Variants in TPO observed in about 807,000 individuals in gnomAD.
The protein encoded by TPO is thyroid peroxidase.
In TPO, 78 loss-of-function variants were observed where a neutral mutation model predicts 96.9. That is an observed-to-expected ratio of 0.81 (90% CI 0.67 to 0.97). The LOEUF (loss-of-function observed/expected upper bound fraction) is 0.97. Ranked by LOEUF, TPO falls within the 50% of genes least tolerant of loss-of-function variation. The pLI, the probability that TPO is intolerant of heterozygous loss-of-function variation, is 0.00. For missense variants in TPO, 1,252 were observed against 1,274.8 expected, an observed-to-expected ratio of 0.98 and a Z score of 0.27; for synonymous variants, 547 against 538.0, an observed-to-expected ratio of 1.02 and a Z score of -0.23.
chr2:1,420,448 C>T (rs1316462541), intron 2 of TPO, among the ~76,000 whole-genome samples: 2 of 152,124 alleles, frequency 1.3e-5, no homozygotes, highest in East Asian at 1.9e-4. Flanking sequence ...GTGTGAGTGA[C>T]AGAGCTAATT....
At position 1,487,877 on chromosome 2, in the gene TPO, C is replaced by T; in HGVS notation, c.1654C>T (p.Gln552Ter). The T allele has an allele frequency of 6.2e-7, 1 of 1,614,230 alleles. No individual in the cohort carries two copies. Among genetic ancestry groups the T allele is most frequent in the Non-Finnish European group, 8.5e-7 (1 of 1,180,042 alleles). Residue 552 changes from glutamine to a stop codon, truncating the protein, a stop_gained, in exon 10 of 17, where the codon CAG becomes TAG. Coordinates refer to ENST00000329066, the MANE Select transcript of TPO (RefSeq NM_001206744.2). LOFTEE classifies it high-confidence loss of function. Reference protein sequence around the residue: ...LLARPAKLQVQDQLMNEELTE... With the variant: ...LLARPAKLQV ...TGCAAGACCAGCCAAACTGCAGGTG[C>T]AGGATCAGCTGATGAACGAGGAGCT... is the stretch of plus-strand genomic sequence containing the variant.
intron 13 of TPO, among the ~76,000 whole-genome samples, chr2:1,499,391 G>T (rs1252740519): frequency 6.6e-6 from 1 of 152,044 alleles, no homozygotes; most frequent in Non-Finnish European, 1.5e-5. Context: ...TTGATTTTTA[G>T]TCCAACAATT....
intron 10 of TPO, among the ~76,000 whole-genome samples, chr2:1,488,691 G>A (rs977002294): frequency 5.3e-5 from 8 of 152,140 alleles, no homozygotes; most frequent in South Asian, 4.1e-4. Flanking sequence ...TTCTCTCCAC[G>A]TACCCTGGGA....
At chr2:1,382,460 A>G (rs1293493677) in intron 1 of TPO, among the ~76,000 whole-genome samples, 2 of 152,192 alleles carry the variant, frequency 1.3e-5, no homozygotes, top group Non-Finnish European at 2.9e-5. Context: ...ACTTGCCTCC[A>G]TGAAAACATG....
In TPO at chr2:1,521,522, A is replaced by C. The variant is rs541701792; in HGVS notation, c.2618+4540A>C. Among the ~76,000 whole-genome samples the C allele has an allele frequency of 2.6e-5, 4 of 151,650 alleles. No individual in the cohort carries two copies. In the East Asian group the frequency reaches 7.8e-4, roughly 30 times the overall value. The stretch of plus-strand genomic sequence containing the variant: ...CTCCCCCAGGGCCCTCTTTCCCCAG[A>C]CTCTTGGGGTAGAGACGGCCTGAGT... On this transcript the variant is annotated intron_variant, in intron 15 of 16. Transcript: ENST00000329066.
Position 1,456,263 on chromosome 2 carries a change from A to C in TPO, c.800A>C (p.Asn267Thr). 1 of 1,614,028 alleles carries C rather than the reference A, an allele frequency of 6.2e-7. No individual in the cohort carries two copies. The highest frequency in any genetic ancestry group is 8.5e-7 in the Non-Finnish European group (1 of 1,180,004). The stretch of plus-strand genomic sequence containing the variant: ...TGCCAGATGACTTGTGAGAACCAAA[A>C]CCCATGTTTTCCCATACAAGTAAGT... ...ADCQMTCENQ[N>T]PCFPIQLPEE... The change falls in exon 7 of 17, where the codon AAC (asparagine) becomes ACC (threonine). Residue 267 changes from asparagine to threonine, a missense_variant. Asn to Thr is a moderately conservative substitution (Grantham distance 65). Transcript: ENST00000329066.
At chr2:1,496,268 G>A in intron 12 of TPO, 71 bp downstream of exon 12, 2 of 1,545,924 alleles carry the variant, frequency 1.3e-6, no homozygotes, top group Non-Finnish European at 1.8e-6. Context: ...ATCTTCCCCA[G>A]GAGCTGATTT....
intron 3 of TPO, among the ~76,000 whole-genome samples, chr2:1,430,503 C>A (rs1281595914): frequency 2.0e-5 from 3 of 152,246 alleles, no homozygotes; most frequent in Non-Finnish European, 4.4e-5. Context: ...ACACAGAGTG[C>A]CCACTGAGAC....
intron 5 of TPO, among the ~76,000 whole-genome samples, chr2:1,442,958 GGGCACTTT>G (rs1307646864): frequency 1.7e-4 from 26 of 152,186 alleles, no homozygotes; most frequent in Non-Finnish European, 3.8e-4. Context: ...ATTTCTTGCT[GGGCACTTT>G]GGCTCACGCC....
At chr2:1,524,767 CCAAATCGCCCCACTATGAGCAGCCTCCT>C (rs1279730207) in intron 15 of TPO, among the ~76,000 whole-genome samples, 3 of 133,246 alleles carry the variant, frequency 2.3e-5, no homozygotes, top group Non-Finnish European at 3.3e-5. Flanking sequence ...AGCAACCTCC[CCAAATCGCCCCACTATGAGCAGCCTCCT>C]CAAATCCCCC....
At position 1,414,517 on chromosome 2, in the gene TPO, C is replaced by T. The variant is rs1662686318; in HGVS notation, c.94+15C>T. 2.5e-6 allele frequency: 4 copies of T among 1,611,598 alleles called. No individual in the cohort carries two copies. Among genetic ancestry groups the T allele is most frequent in the Non-Finnish European group, 3.4e-6 (4 of 1,178,090 alleles). ...ACTCCTTTGGGGTAAGTAGCAAACA[C>T]ATTGCGGTCTTCTGGCCTTATAAAG... On this transcript the variant is annotated intron_variant, in intron 2 of 16. Coordinates refer to ENST00000329066, the MANE Select transcript of TPO (RefSeq NM_001206744.2).
chr2:1,495,294 G>A (rs28991282), intron 11 of TPO, among the ~76,000 whole-genome samples: 11 of 152,202 alleles, frequency 7.2e-5, no homozygotes, highest in Non-Finnish European at 1.3e-4. Context: ...AGAGTTTTAC[G>A]TGGCAGGGGA....
chr2:1,429,592 T>C (rs1055473809), intron 3 of TPO, among the ~76,000 whole-genome samples: 5 of 152,154 alleles, frequency 3.3e-5, no homozygotes, highest in Non-Finnish European at 7.3e-5. Context: ...GCCAAATGAC[T>C]GTGACCAAAA....
chr2:1,492,861 G>A (rs940044771), intron 10 of TPO, among the ~76,000 whole-genome samples: 9 of 152,154 alleles, frequency 5.9e-5, no homozygotes, highest in Non-Finnish European at 1.3e-4. Context: ...CCTGGGCGGC[G>A]CTCTGATCAG....
At chr2:1,474,002 C>T (rs930723258) in intron 7 of TPO, among the ~76,000 whole-genome samples, 14 of 152,046 alleles carry the variant, frequency 9.2e-5, no homozygotes, top group African/African-American at 3.1e-4. Flanking sequence ...TTTACCAGCT[C>T]TTATTTTATT....
intron 3 of TPO, among the ~76,000 whole-genome samples, chr2:1,429,134 G>A (rs140074553): frequency 5.8e-4 from 89 of 152,274 alleles, no homozygotes; most frequent in African/African-American, 2.0e-3. Flanking sequence ...GCCCCATCCC[G>A]TTGGTGATAA....
At position 1,524,734 on chromosome 2, in the gene TPO, C is replaced by A. The variant is rs1429216183; in HGVS notation, c.2618+7752C>A. ...CCCACATTCCCCCCAGTGTGTGCAA[C>A]CTTTACAACTCTACTCACTGTGAGC... is the stretch of plus-strand genomic sequence containing the variant. On this transcript the variant is annotated intron_variant, in intron 15 of 16. Coordinates refer to ENST00000329066, the MANE Select transcript of TPO (RefSeq NM_001206744.2). Among the ~76,000 whole-genome samples the A allele has an allele frequency of 3.1e-5, 4 of 130,458 alleles. 1 individual carries two copies. The highest frequency in any genetic ancestry group is 5.0e-5 in the Non-Finnish European group (3 of 60,060). The allele number at this position is 130,458 out of a possible 152,430, so 85.6% of individuals were successfully genotyped here. A position where few individuals can be genotyped will look rare whatever the true frequency, so the allele number is the denominator to read the frequency against.
chr2:1,495,033 G>A (rs1284616438), intron 11 of TPO, among the ~76,000 whole-genome samples: 2 of 152,184 alleles, frequency 1.3e-5, no homozygotes, highest in Non-Finnish European at 1.5e-5. Flanking sequence ...CGCTCAGAAG[G>A]GGGAAGATTT....
At chr2:1,445,833 C>T (rs10190245) in intron 5 of TPO, among the ~76,000 whole-genome samples, 1,252 of 15,038 alleles carry the variant, frequency 0.083, 75 homozygotes, top group South Asian at 0.12. Flanking sequence ...GGGAATGGGG[C>T]AGGCTCCTTC....
Sources: gnomAD v4.1 joint callset for allele counts (sites outside exome capture counted in the v4.1 genomes callset) on GRCh38, gnomAD v4.1.1 for gene constraint, MANE v1.5 for transcripts, NCBI Gene and HGNC (gene_info 2026-07-23, HGNC 2026-07-21) for gene names.